TNFRSF10B: variants seen among roughly 807,000 people sequenced by gnomAD.
TNFRSF10B encodes TNF receptor superfamily member 10b.
In TNFRSF10B, 35 loss-of-function variants were observed where a neutral mutation model predicts 41.4. The observed-to-expected ratio is 0.85, with a 90% CI of 0.65 to 1.12. The LOEUF (loss-of-function observed/expected upper bound fraction) is 1.12. TNFRSF10B is among the 50% of genes most tolerant of loss of function. TNFRSF10B has a pLI of 0.00. For synonymous variants in TNFRSF10B, 230 were observed against 215.5 expected (o/e 1.07, Z -0.59); for missense variants, 584 against 552.7 (o/e 1.06, Z -0.57).
At chr8:23,060,339 C>G (rs1812797407) in intron 1 of TNFRSF10B, among the ~76,000 whole-genome samples, 1 of 152,192 alleles carries the variant, frequency 6.6e-6, no homozygotes, top group Non-Finnish European at 1.5e-5. Context: ...CTAAGGTTCA[C>G]TTCATTCTTT....
chr8:23,044,703 T>C (rs1812302388), intron 1 of TNFRSF10B, among the ~76,000 whole-genome samples: 1 of 151,904 alleles, frequency 6.6e-6, no homozygotes, highest in African/African-American at 2.4e-5. Context: ...AATACAAGAC[T>C]TAATGTTGTA....
chr8:23,030,148 C>T (rs1250158373), intron 3 of TNFRSF10B, among the ~76,000 whole-genome samples: 1 of 152,140 alleles, frequency 6.6e-6, no homozygotes, highest in Non-Finnish European at 1.5e-5. Context: ...GCCAGGAGCA[C>T]AGAGCCCAGG....
intron 1 of TNFRSF10B, among the ~76,000 whole-genome samples, chr8:23,057,217 T>C (rs1226509334): frequency 6.6e-6 from 1 of 151,276 alleles, no homozygotes; most frequent in Non-Finnish European, 1.5e-5. Flanking sequence ...CGGCTCATTT[T>C]TGTATTTTCA....
chr8:23,023,018 G>C (rs761809487), intron 8 of TNFRSF10B, 34 bp from the exon 9 acceptor site: 1 of 1,603,454 alleles, frequency 6.2e-7, no homozygotes. Context: ...AGCCAGGTGA[G>C]TTGGGACTCA....
rs1222123562 is a variant in TNFRSF10B at position 23,020,645 on chromosome 8, T to TCGTA, written c.*2022_*2025dup. On this transcript the variant is annotated 3_prime_UTR_variant, in exon 9 of 9. Coordinates refer to ENST00000276431, the MANE Select transcript of TNFRSF10B (RefSeq NM_003842.5). ...AGGCGGAGGTTGCACTGAGCCAAGA[T>TCGTA]CGTACCGTTGCACTCCAGCCTGGGC... The TCGTA allele has an allele frequency of 4.4e-6, 2 of 453,950 alleles. No individual in the cohort carries two copies. Among genetic ancestry groups the TCGTA allele is most frequent in the Non-Finnish European group, 4.4e-6 (1 of 226,758 alleles). 28.1% of individuals were successfully genotyped at this position (453,950 alleles called of 1,614,324 possible). A position where few individuals can be genotyped will look rare whatever the true frequency, so the allele number is the denominator to read the frequency against.
At chr8:23,065,534 C>T (rs1812956644) in intron 1 of TNFRSF10B, among the ~76,000 whole-genome samples, 1 of 152,198 alleles carries the variant, frequency 6.6e-6, no homozygotes, top group Non-Finnish European at 1.5e-5. Flanking sequence ...GGGAGATCTG[C>T]ATGTTCCCCT....
In TNFRSF10B at chr8:23,021,666, G is replaced by A. The variant is rs1264640203; in HGVS notation, c.*1005C>T. 2.2e-6 allele frequency: 1 copy of A among 454,108 alleles called. No individual in the cohort carries two copies. The highest frequency in any genetic ancestry group is 4.4e-6 in the Non-Finnish European group (1 of 226,800). The allele number at this position is 454,108 out of a possible 1,614,324, so 28.1% of individuals were successfully genotyped here. A position where few individuals can be genotyped will look rare whatever the true frequency, so the allele number is the denominator to read the frequency against. ...ACACACAGGACTTCACGTGGATCCA[G>A]TTCTCTTTGGTCCCGACTCATATGT... On this transcript the variant is annotated 3_prime_UTR_variant, in exon 9 of 9. Coordinates refer to ENST00000276431, the MANE Select transcript of TNFRSF10B (RefSeq NM_003842.5).
intron 1 of TNFRSF10B, among the ~76,000 whole-genome samples, chr8:23,046,962 G>T (rs1812382745): frequency 6.6e-6 from 1 of 152,110 alleles, no homozygotes; most frequent in Non-Finnish European, 1.5e-5. Flanking sequence ...ACTCAAAATG[G>T]ATTAAAGACT....
At chr8:23,040,268 T>A (rs1210955976) in intron 2 of TNFRSF10B, among the ~76,000 whole-genome samples, 2 of 127,702 alleles carry the variant, frequency 1.6e-5, no homozygotes, top group Admixed American at 9.2e-5. Flanking sequence ...ATTTATTAAA[T>A]ATATATATAA....
chr8:23,042,784 C>A, intron 2 of TNFRSF10B: 1 of 200,352 alleles, frequency 5.0e-6, no homozygotes, highest in Non-Finnish European at 1.0e-5. Context: ...TGCCCCCTGG[C>A]AATTGTTCCA....
chr8:23,026,579 C>T (rs1811709246), intron 7 of TNFRSF10B, among the ~76,000 whole-genome samples: 1 of 152,188 alleles, frequency 6.6e-6, no homozygotes, highest in South Asian at 2.1e-4. Context: ...ACTTTCAGTG[C>T]TTACGAGCAA....
At chr8:23,045,128 G>T (rs1169233332) in intron 1 of TNFRSF10B, among the ~76,000 whole-genome samples, 2 of 151,126 alleles carry the variant, frequency 1.3e-5, no homozygotes, top group Non-Finnish European at 2.9e-5. Flanking sequence ...TACTTGGGTG[G>T]CTGGGGCACA....
At chr8:23,053,803 A>G (rs1812587547) in intron 1 of TNFRSF10B, among the ~76,000 whole-genome samples, 1 of 152,254 alleles carries the variant, frequency 6.6e-6, no homozygotes, top group Non-Finnish European at 1.5e-5. Flanking sequence ...TATTTGATAT[A>G]AAATTATACA....
At chr8:23,040,912 T>C (rs528995904) in intron 2 of TNFRSF10B, among the ~76,000 whole-genome samples, 6 of 152,268 alleles carry the variant, frequency 3.9e-5, no homozygotes, top group East Asian at 1.9e-4. Context: ...AATAATAGTG[T>C]TGGGGCAACC....
At chr8:23,063,993 CTCAT>C (rs991394794) in intron 1 of TNFRSF10B, among the ~76,000 whole-genome samples, 1 of 152,240 alleles carries the variant, frequency 6.6e-6, no homozygotes, top group Non-Finnish European at 1.5e-5. Flanking sequence ...ATCCACGTTA[CTCAT>C]TCATTCATTC....
intron 1 of TNFRSF10B, among the ~76,000 whole-genome samples, chr8:23,066,432 T>C (rs1812980831): frequency 6.6e-6 from 1 of 152,070 alleles, no homozygotes; most frequent in East Asian, 1.9e-4. Context: ...ATCAATGAAC[T>C]TGAAGAGCCC....
chr8:23,026,885 A>AC (rs1450599636), intron 7 of TNFRSF10B, among the ~76,000 whole-genome samples: 1 of 151,988 alleles, frequency 6.6e-6, no homozygotes, highest in East Asian at 1.9e-4. Context: ...TGTGACCCCC[A>AC]CTCTATGCCT....
At chr8:23,054,044 T>G (rs1812595271) in intron 1 of TNFRSF10B, among the ~76,000 whole-genome samples, 1 of 152,222 alleles carries the variant, frequency 6.6e-6, no homozygotes, top group African/African-American at 2.4e-5. Flanking sequence ...CCTAAAACCT[T>G]TTGTCCTCCA....
At chr8:23,042,997 C>G in intron 2 of TNFRSF10B, 141 bp downstream of exon 2, 2 of 711,672 alleles carry the variant, frequency 2.8e-6, no homozygotes, top group Non-Finnish European at 4.8e-6. Context: ...CAGGAAGGCT[C>G]CAGAAGGACA....
Sources: allele counts gnomAD v4.1 joint callset (sites outside exome capture counted in the v4.1 genomes callset), GRCh38; gene constraint gnomAD v4.1.1; transcripts MANE v1.5; gene names NCBI Gene and HGNC (gene_info 2026-07-23, HGNC 2026-07-21).